Variants in RIMS4 observed in about 807,000 individuals in gnomAD.
RIMS4 encodes the protein regulating synaptic membrane exocytosis 4, also known as regulating synaptic membrane exocytosis protein 4.
RIMS4 carries 9 observed loss-of-function variants against 29.0 expected under a neutral mutation model. That is an observed-to-expected ratio of 0.31 (90% CI 0.19 to 0.54). RIMS4 has a LOEUF of 0.54. Among genes scored for constraint, RIMS4 ranks in the 20% least tolerant of loss-of-function variants. RIMS4 has a pLI of 0.94. For synonymous variants in RIMS4, 130 were observed against 152.9 expected (o/e 0.85, Z 1.10); for missense variants, 193 against 365.7 (o/e 0.53, Z 3.85).
chr20:44,774,195 G>A (rs1242365739), intron 1 of RIMS4, among the ~76,000 whole-genome samples: 3 of 152,060 alleles, frequency 2.0e-5, no homozygotes, highest in Non-Finnish European at 4.4e-5. Context: ...CCCCCACCAA[G>A]ATCCATCCAT....
chr20:44,776,760 C>T (rs188264956), intron 1 of RIMS4, among the ~76,000 whole-genome samples: 1 of 152,166 alleles, frequency 6.6e-6, no homozygotes, highest in Non-Finnish European at 1.5e-5. Flanking sequence ...ATGGTTATTA[C>T]CATTGTGCTA....
At chr20:44,759,494 C>T (rs1036528127) in intron 2 of RIMS4, among the ~76,000 whole-genome samples, 2 of 152,176 alleles carry the variant, frequency 1.3e-5, no homozygotes, top group Non-Finnish European at 2.9e-5. Flanking sequence ...CCTGGCCTCA[C>T]GTGATCCACC....
At chr20:44,801,027 T>G (rs1270820898) in intron 1 of RIMS4, among the ~76,000 whole-genome samples, 1 of 152,214 alleles carries the variant, frequency 6.6e-6, no homozygotes, top group Non-Finnish European at 1.5e-5. Flanking sequence ...TTCTATGTGT[T>G]GTACATACAT....
rs1261908318 is a variant in RIMS4 at position 44,753,338 on chromosome 20, C to T, written c.*2796G>A. ...CAGGCTGGGGGTGCCACTGAACACA[C>T]AGGTGACTCCAGGGGTGGCTTTTCC... On this transcript the variant is annotated 3_prime_UTR_variant, in exon 6 of 6. Coordinates refer to ENST00000372851, the MANE Select transcript of RIMS4 (RefSeq NM_182970.4). 6.6e-6 allele frequency: 1 copy of T among 152,460 alleles called. No individual in the cohort carries two copies. The highest frequency in any genetic ancestry group is 1.5e-5 in the Non-Finnish European group (1 of 68,112). The allele number at this position is 152,460 out of a possible 1,614,324, so 9.4% of individuals were successfully genotyped here.
intron 1 of RIMS4, among the ~76,000 whole-genome samples, chr20:44,790,137 T>C (rs2066226701): frequency 6.6e-6 from 1 of 152,224 alleles, no homozygotes; most frequent in Non-Finnish European, 1.5e-5. Flanking sequence ...GCCTGATTTT[T>C]AATTGAGTGG....
Position 44,756,218 on chromosome 20 carries a change from C to T in RIMS4, c.726G>A (p.Val242=). ...GGAGCAGGGGGCCTGTGGCTGGGTCCACCATGGAGGAGGTGGGGAAGAGCT... is the reference window on the plus strand; with the variant it reads ...GGAGCAGGGGGCCTGTGGCTGGGTCTACCATGGAGGAGGTGGGGAAGAGCT... ...WYKLFPTSSM[V]DPATGPLLRQ... The change falls in exon 6 of 6, where the codon GTG becomes GTA. Residue 242 remains valine, a synonymous_variant. Coordinates refer to ENST00000372851, the MANE Select transcript of RIMS4 (RefSeq NM_182970.4). The surrounding 1 kb of genome is among the most constrained non-coding windows in gnomAD (Gnocchi z 5.9). 3 of 1,614,066 alleles carry T rather than the reference C, an allele frequency of 1.9e-6. No individual in the cohort carries two copies. The highest frequency in any genetic ancestry group is 2.5e-6 in the Non-Finnish European group (3 of 1,180,008).
intron 2 of RIMS4, among the ~76,000 whole-genome samples, chr20:44,768,751 C>G (rs969148182): frequency 6.6e-6 from 1 of 152,226 alleles, no homozygotes; most frequent in African/African-American, 2.4e-5. Context: ...TTTTAGTAAT[C>G]GTAATCCTCA....
At chr20:44,772,787 A>G (rs1312103549) in intron 1 of RIMS4, among the ~76,000 whole-genome samples, 5 of 152,148 alleles carry the variant, frequency 3.3e-5, no homozygotes, top group Non-Finnish European at 7.4e-5. Context: ...AGCAGCCCCA[A>G]TCACACCCAG....
At chr20:44,797,767 G>C (rs1022384008) in intron 1 of RIMS4, among the ~76,000 whole-genome samples, 6 of 152,206 alleles carry the variant, frequency 3.9e-5, no homozygotes, top group African/African-American at 1.4e-4. Flanking sequence ...AGCAAAGGCA[G>C]AGGTCAGCCT....
chr20:44,787,871 C>T (rs551235281), intron 1 of RIMS4, among the ~76,000 whole-genome samples: 22 of 152,246 alleles, frequency 1.4e-4, no homozygotes, highest in African/African-American at 1.7e-4. Flanking sequence ...TCTGCAATAC[C>T]AGCTAAAACC....
chr20:44,775,143 C>T (rs375818646), intron 1 of RIMS4, among the ~76,000 whole-genome samples: 4 of 152,160 alleles, frequency 2.6e-5, no homozygotes, highest in Admixed American at 2.6e-4. Context: ...GTTAAACACG[C>T]TTCTAAGTGC....
chr20:44,777,904 A>G (rs567899279), intron 1 of RIMS4, among the ~76,000 whole-genome samples: 201 of 152,238 alleles, frequency 1.3e-3, no homozygotes, highest in South Asian at 6.6e-3. Context: ...GTTATTTTAA[A>G]CCAGGATGCG....
At chr20:44,767,711 C>A (rs770996709) in intron 2 of RIMS4, among the ~76,000 whole-genome samples, 24 of 152,226 alleles carry the variant, frequency 1.6e-4, no homozygotes, top group Non-Finnish European at 2.8e-4. Context: ...GCTTCCATTT[C>A]CTCATCTGTA....
At chr20:44,765,410 C>A (rs958130214) in intron 2 of RIMS4, among the ~76,000 whole-genome samples, 11 of 152,168 alleles carry the variant, frequency 7.2e-5, no homozygotes, top group African/African-American at 2.2e-4. Context: ...GAATAAAGAA[C>A]AATAGGATAA....
At chr20:44,786,962 G>T (rs145234075) in intron 1 of RIMS4, among the ~76,000 whole-genome samples, 1 of 152,122 alleles carries the variant, frequency 6.6e-6, no homozygotes, top group African/African-American at 2.4e-5. Context: ...AAGGAAAAAC[G>T]AACTGTCCTC....
chr20:44,799,239 G>T (rs1229210356), intron 1 of RIMS4, among the ~76,000 whole-genome samples: 3 of 152,076 alleles, frequency 2.0e-5, no homozygotes, highest in East Asian at 3.9e-4. Context: ...GGAGGCAGAG[G>T]TTACAGTGAC....
At chr20:44,785,230 CTTTT>C (rs530864017) in intron 1 of RIMS4, among the ~76,000 whole-genome samples, 2 of 142,904 alleles carry the variant, frequency 1.4e-5, no homozygotes, top group African/African-American at 2.6e-5. Flanking sequence ...CATTCTTCTT[CTTTT>C]TTTTTTTTTT....
intron 1 of RIMS4, among the ~76,000 whole-genome samples, chr20:44,807,333 G>A (rs1316669164): frequency 1.3e-5 from 2 of 152,180 alleles, no homozygotes; most frequent in African/African-American, 2.4e-5. Flanking sequence ...TCAGGAATGT[G>A]CTCTGCCCCA....
rs368462069 is a variant in RIMS4, at chr20:44,771,268, C to T, written c.236+7G>A. The T allele has an allele frequency of 2.8e-5, 45 of 1,601,172 alleles. No individual in the cohort carries two copies. Among genetic ancestry groups the T allele is most frequent in the Non-Finnish European group, 3.7e-5 (43 of 1,169,606 alleles). On this transcript the variant is annotated splice_region_variant and intron_variant, in intron 2 of 5. Transcript: ENST00000372851. Reference sequence around the variant, plus strand: ...AGAACCAGGAGGGCTGGTGGCCCCACACTTACTTGCCCTCTGAGCCATAGC... The same window carrying T: ...AGAACCAGGAGGGCTGGTGGCCCCATACTTACTTGCCCTCTGAGCCATAGC...
Sources: allele counts gnomAD v4.1 joint callset (sites outside exome capture counted in the v4.1 genomes callset), GRCh38; gene constraint gnomAD v4.1.1; non-coding constraint Gnocchi (gnomAD v3.1); transcripts MANE v1.5; gene names NCBI Gene and HGNC (gene_info 2026-07-23, HGNC 2026-07-21).